The following ROCK1 variants were observed in gnomAD, a reference collection of about 807,000 sequenced individuals.
ROCK1 encodes the protein Rho associated coiled-coil containing protein kinase 1, also known as rho-associated protein kinase 1.
A neutral mutation model predicts 196.8 loss-of-function variants in ROCK1; 36 were observed. That is an observed-to-expected ratio of 0.18 (90% CI 0.14 to 0.24). The LOEUF (loss-of-function observed/expected upper bound fraction) is 0.24. Among genes scored for constraint, ROCK1 ranks in the 10% least tolerant of loss-of-function variants. The probability of loss-of-function intolerance (pLI) is 1.00; values close to 1 mark genes in which losing one functional copy is unlikely to be tolerated. For missense variants in ROCK1, 920 were observed against 1,562.0 expected (o/e 0.59, Z 6.93); for synonymous variants, 443 against 515.9 (o/e 0.86, Z 1.91).
chr18:21,051,440 C>A (rs1465372217), intron 2 of ROCK1, among the ~76,000 whole-genome samples: 1 of 151,946 alleles, frequency 6.6e-6, no homozygotes, highest in African/African-American at 2.4e-5. Flanking sequence ...GGCGACAGAG[C>A]GAAACTCTGT....
At chr18:21,012,595 T>C (rs1009193941) in intron 13 of ROCK1, among the ~76,000 whole-genome samples, 1 of 152,220 alleles carries the variant, frequency 6.6e-6, no homozygotes, top group African/African-American at 2.4e-5. Flanking sequence ...AATCTGACTA[T>C]TGTGTCTTGG....
Position 21,111,464 on chromosome 18 carries a change from G to C in ROCK1, c.-554C>G, listed in dbSNP as rs1334719423. The C allele has an allele frequency of 3.9e-6, 1 of 256,430 alleles. No homozygotes were observed. Among genetic ancestry groups the C allele is most frequent in the East Asian group, 7.4e-5 (1 of 13,520 alleles). 15.9% of individuals were successfully genotyped at this position (256,430 alleles called of 1,614,324 possible). On this transcript the variant is annotated 5_prime_UTR_variant, in exon 1 of 33. Transcript: ENST00000399799. This position sits in a 1 kb window ranked among gnomAD's most constrained non-coding sequence, Gnocchi z 4.2. ...CGCGTCCCCGGCTCTACTCGGCCCGGCCCGACGCACCGATCAGTCTCGGCC... is the reference window on the plus strand; with the variant it reads ...CGCGTCCCCGGCTCTACTCGGCCCGCCCCGACGCACCGATCAGTCTCGGCC...
intron 29 of ROCK1, chr18:20,955,454 T>A: frequency 1.8e-6 from 1 of 565,650 alleles, no homozygotes; most frequent in East Asian, 3.5e-5. Flanking sequence ...CATCAAATGC[T>A]TGTGAGAATG....
At chr18:20,977,739 T>C (rs968570589) in intron 22 of ROCK1, among the ~76,000 whole-genome samples, 1 of 152,032 alleles carries the variant, frequency 6.6e-6, no homozygotes, top group African/African-American at 2.4e-5. Flanking sequence ...TTTTAATCAC[T>C]TTCTCTTTCT....
chr18:21,062,652 C>A (rs1195325441), intron 2 of ROCK1, among the ~76,000 whole-genome samples: 2 of 152,072 alleles, frequency 1.3e-5, no homozygotes, highest in African/African-American at 2.4e-5. Context: ...CCCTCCACAG[C>A]GTTTGGAAAA....
intron 11 of ROCK1, among the ~76,000 whole-genome samples, chr18:21,022,743 C>T (rs1395944619): frequency 6.6e-6 from 1 of 152,126 alleles, no homozygotes; most frequent in Non-Finnish European, 1.5e-5. Flanking sequence ...CTTGTTCATA[C>T]ATGGGTGCTT....
Position 21,082,274 on chromosome 18 carries a change from G to A in ROCK1, c.94-11661C>T, listed in dbSNP as rs7228804. ...CAAACGTTTAAAGAAGAATTAACAC[G>A]AATCCTTTTCAAACTCTTTCAAAAA... On this transcript the variant is annotated intron_variant, in intron 1 of 32. Coordinates refer to ENST00000399799, the MANE Select transcript of ROCK1 (RefSeq NM_005406.3). 5.9e-5 allele frequency among the ~76,000 whole-genome samples: 9 copies of A among 151,920 alleles called. No homozygotes were observed. The South Asian group carries it at 6.2e-4, about 11-fold the overall frequency.
At chr18:21,003,581 G>A (rs1181449038) in intron 16 of ROCK1, among the ~76,000 whole-genome samples, 2 of 152,120 alleles carry the variant, frequency 1.3e-5, no homozygotes, top group East Asian at 3.9e-4. Flanking sequence ...AGGACAATGT[G>A]GTGCCTGATA....
Position 20,947,966 on chromosome 18 carries a change from T to C in ROCK1, c.*3418A>G, listed in dbSNP as rs201213121. The stretch of plus-strand genomic sequence containing the variant: ...CTCTACTAAAAATACAAAAATTAGC[T>C]GGGCATGGTGGTGGGCACCTGTAAT... On this transcript the variant is annotated 3_prime_UTR_variant, in exon 33 of 33. Coordinates refer to ENST00000399799, the MANE Select transcript of ROCK1 (RefSeq NM_005406.3). 1.3e-5 allele frequency: 2 copies of C among 151,766 alleles called. No individual in the cohort carries two copies. The highest frequency in any genetic ancestry group is 1.3e-4 in the Admixed American group (2 of 15,218). 9.4% of individuals were successfully genotyped at this position (151,766 alleles called of 1,614,324 possible). A position where few individuals can be genotyped will look rare whatever the true frequency, so the allele number is the denominator to read the frequency against.
intron 1 of ROCK1, among the ~76,000 whole-genome samples, chr18:21,102,388 T>C (rs138514200): frequency 2.6e-4 from 40 of 152,362 alleles, no homozygotes; most frequent in African/African-American, 9.6e-4. Context: ...CTTAGTGTGA[T>C]AGACATTTAA....
intron 4 of ROCK1, among the ~76,000 whole-genome samples, chr18:21,045,899 GTTTT>G (rs34360056): frequency 1.6e-5 from 1 of 62,470 alleles, no homozygotes; most frequent in African/African-American, 7.0e-5. Flanking sequence ...AGTTTCAGCT[GTTTT>G]TTTTTTTTTT....
chr18:21,082,564 G>C lies in ROCK1; in HGVS notation c.94-11951C>G, dbSNP rs186777183. 8.3e-4 allele frequency among the ~76,000 whole-genome samples: 127 copies of C among 152,170 alleles called. 1 individual carries two copies. The highest frequency in any genetic ancestry group is 2.9e-3 in the African/African-American group (120 of 41,540). ...TTTAATGTAATCTACCACATTAATA[G>C]AATAAAGGACAAAAACCACATCACC... On this transcript the variant is annotated intron_variant, in intron 1 of 32. Coordinates refer to ENST00000399799, the MANE Select transcript of ROCK1 (RefSeq NM_005406.3).
intron 26 of ROCK1, 70 bp from the exon 27 acceptor site, chr18:20,967,146 G>C: frequency 2.8e-6 from 3 of 1,087,762 alleles, no homozygotes; most frequent in Non-Finnish European, 4.1e-6. Context: ...ATTGAAATAT[G>C]ATAATTTAAA....
chr18:21,022,151 GC>G (rs951835556), intron 11 of ROCK1, among the ~76,000 whole-genome samples: 3 of 151,604 alleles, frequency 2.0e-5, no homozygotes, highest in Admixed American at 6.6e-5. Flanking sequence ...ATGTCTCTGT[GC>G]CCCCCCACAA....
At chr18:21,034,774 A>G (rs918696605) in intron 9 of ROCK1, among the ~76,000 whole-genome samples, 1 of 152,232 alleles carries the variant, frequency 6.6e-6, no homozygotes, top group African/African-American at 2.4e-5. Flanking sequence ...ACAAGCAACA[A>G]AAGAAGAAAT....
intron 2 of ROCK1, among the ~76,000 whole-genome samples, chr18:21,051,280 T>A (rs1308269288): frequency 1.3e-5 from 2 of 152,104 alleles, no homozygotes; most frequent in African/African-American, 4.8e-5. Context: ...AAACCCTGTC[T>A]CTACAAAAAA....
chr18:21,021,692 CT>C (rs1168458571), intron 11 of ROCK1, among the ~76,000 whole-genome samples: 1 of 152,116 alleles, frequency 6.6e-6, no homozygotes, highest in African/African-American at 2.4e-5. Flanking sequence ...TATATCCCCC[CT>C]GATATTATTA....
chr18:21,023,536 T>G (rs2035931718), intron 11 of ROCK1, 84 bp downstream of exon 11: 1 of 683,588 alleles, frequency 1.5e-6, no homozygotes, highest in Non-Finnish European at 2.3e-6. Context: ...ACAAACAATA[T>G]ATAAATTTAC....
At chr18:20,971,920 A>C (rs1470831395) in intron 22 of ROCK1, among the ~76,000 whole-genome samples, 1 of 152,136 alleles carries the variant, frequency 6.6e-6, no homozygotes, top group Non-Finnish European at 1.5e-5. Context: ...GTAGAAGAAA[A>C]GTAGGGGGAA....
Sources: allele counts gnomAD v4.1 joint callset (sites outside exome capture counted in the v4.1 genomes callset), GRCh38; gene constraint gnomAD v4.1.1; non-coding constraint Gnocchi (gnomAD v3.1); transcripts MANE v1.5; gene names NCBI Gene and HGNC (gene_info 2026-07-23, HGNC 2026-07-21).